TSGA13: variants seen among roughly 807,000 people sequenced by gnomAD.
TSGA13 encodes the protein testis-specific gene 13 protein.
A neutral mutation model predicts 35.1 loss-of-function variants in TSGA13; 37 were observed. The ratio of observed to expected loss-of-function variants is 1.05; its 90% CI spans 0.81 to 1.39. The LOEUF (loss-of-function observed/expected upper bound fraction) is 1.39, where lower values mean the gene tolerates loss of function less well. TSGA13 is among the 40% of genes most tolerant of loss of function. The pLI is 0.00. For missense variants in TSGA13, 338 were observed against 328.5 expected (o/e 1.03, Z -0.22); for synonymous variants, 124 against 121.2 (o/e 1.02, Z -0.15).
chr7:130,676,546 A>G (rs1464472986), intron 5 of TSGA13, among the ~76,000 whole-genome samples: 1 of 152,252 alleles, frequency 6.6e-6, no homozygotes, highest in African/African-American at 2.4e-5. Flanking sequence ...ACCCACTGCC[A>G]TGAGAAACTA....
At chr7:130,679,473 G>T in intron 4 of TSGA13, 106 bp from the exon 5 acceptor site, 1 of 987,542 alleles carries the variant, frequency 1.0e-6, no homozygotes, top group Non-Finnish European at 1.5e-6. Context: ...AACAGAAGCT[G>T]GACAGACTTG....
At chr7:130,677,083 G>A (rs1282817759) in intron 5 of TSGA13, among the ~76,000 whole-genome samples, 7 of 152,084 alleles carry the variant, frequency 4.6e-5, no homozygotes, top group Non-Finnish European at 7.4e-5. Flanking sequence ...TAGTAGAGAC[G>A]GGGTTTCACT....
At chr7:130,683,541 C>G in intron 3 of TSGA13, 53 bp downstream of exon 3, 1 of 1,531,012 alleles carries the variant, frequency 6.5e-7, no homozygotes, top group Admixed American at 1.8e-5. Context: ...ATTAAGTACA[C>G]TAAGCAGCTC....
At chr7:130,676,481 G>A (rs976135997) in intron 5 of TSGA13, among the ~76,000 whole-genome samples, 5 of 152,184 alleles carry the variant, frequency 3.3e-5, no homozygotes, top group African/African-American at 9.7e-5. Flanking sequence ...TTCCTTCTGC[G>A]CATTAAGCAG....
At chr7:130,670,276 A>G (rs968898066) in intron 7 of TSGA13, among the ~76,000 whole-genome samples, 2 of 152,160 alleles carry the variant, frequency 1.3e-5, no homozygotes, top group African/African-American at 2.4e-5. Context: ...CAGTTAAGGG[A>G]TGGTATAATA....
rs531806155 is a variant in TSGA13, at chr7:130,675,679, G to A, written c.388-2803C>T. 9.8e-5 allele frequency among the ~76,000 whole-genome samples: 15 copies of A among 152,292 alleles called. No individual in the cohort carries two copies. In the South Asian group the frequency reaches 2.9e-3, roughly 29 times the overall value. ...CTTACAGGCGTGAGCCACTGCGCCA[G>A]GCCGGTTTGAGTCTTCTAGCCTTAC... On this transcript the variant is annotated intron_variant, in intron 5 of 7. Coordinates refer to ENST00000356588, the MANE Select transcript of TSGA13 (RefSeq NM_052933.4).
chr7:130,680,010 A>G (rs1554464824), intron 4 of TSGA13, among the ~76,000 whole-genome samples: 1 of 152,190 alleles, frequency 6.6e-6, no homozygotes, highest in East Asian at 1.9e-4. Flanking sequence ...GGCTAAACCT[A>G]ATTGGCCTTG....
chr7:130,679,053 GT>G, intron 5 of TSGA13, 101 bp downstream of exon 5: 1 of 993,892 alleles, frequency 1.0e-6, no homozygotes, highest in Non-Finnish European at 1.5e-6. Context: ...AAATTAAGAG[GT>G]TTTCTGAGTA....
In TSGA13 at chr7:130,668,690, C is replaced by T; in HGVS notation, c.*324G>A. 1.3e-6 allele frequency: 2 copies of T among 1,527,186 alleles called. No individual in the cohort carries two copies. Among genetic ancestry groups the T allele is most frequent in the South Asian group, 1.2e-5 (1 of 80,988 alleles). 94.6% of individuals were successfully genotyped at this position (1,527,186 alleles called of 1,614,324 possible). A position where few individuals can be genotyped will look rare whatever the true frequency, so the allele number is the denominator to read the frequency against. ...TCATCTTGGACGACTTCCCAGCGCC[C>T]AGACCCACCGCAACCGTCCCAGGCG... On this transcript the variant is annotated 3_prime_UTR_variant, in exon 8 of 8. Coordinates refer to ENST00000356588, the MANE Select transcript of TSGA13 (RefSeq NM_052933.4).
chr7:130,681,662 T>C (rs1248940577), intron 3 of TSGA13, among the ~76,000 whole-genome samples: 1 of 151,914 alleles, frequency 6.6e-6, no homozygotes, highest in African/African-American at 2.4e-5. Context: ...TTTATTTTTA[T>C]TTTTTTTGCT....
intron 4 of TSGA13, among the ~76,000 whole-genome samples, chr7:130,679,854 G>A (rs569186769): frequency 1.3e-5 from 2 of 152,290 alleles, no homozygotes; most frequent in South Asian, 2.1e-4. Flanking sequence ...ACTGTCTGAA[G>A]CTCTCAGTCC....
At chr7:130,680,412 A>G (rs782314125) in intron 4 of TSGA13, among the ~76,000 whole-genome samples, 1 of 151,864 alleles carries the variant, frequency 6.6e-6, no homozygotes, top group Admixed American at 6.6e-5. Flanking sequence ...AGGCTGAGGC[A>G]GGAGAATAGC....
intron 5 of TSGA13, among the ~76,000 whole-genome samples, chr7:130,676,333 C>T (rs1217261647): frequency 6.6e-6 from 1 of 152,158 alleles, no homozygotes; most frequent in African/African-American, 2.4e-5. Context: ...TAACTTTATC[C>T]ATTAGTACAA....
Position 130,672,770 on chromosome 7 carries a change from G to A in TSGA13, c.494C>T (p.Ser165Leu), listed in dbSNP as rs199718973. The A allele has an allele frequency of 5.9e-5, 95 of 1,614,020 alleles. No individual in the cohort carries two copies. The highest frequency in any genetic ancestry group is 6.6e-5 in the South Asian group (6 of 91,050). Residue 165 changes from serine to leucine, a missense_variant, in exon 6 of 8, where the codon TCG becomes TTG. By Grantham distance (145) the Ser-to-Leu change is moderately radical. Coordinates refer to ENST00000356588, the MANE Select transcript of TSGA13 (RefSeq NM_052933.4). ...TTCTCGCTTGGATGTGGGATCATCC[G>A]ACAGTATCAAAGGGAAGATTGGTTT... ...KLKPIFPLILSDDPTSKREQW... is the reference protein window; with the variant it reads ...KLKPIFPLILLDDPTSKREQW...
chr7:130,671,833 G>A (rs372057994), intron 6 of TSGA13, 45 bp from the exon 7 acceptor site: 1 of 1,405,550 alleles, frequency 7.1e-7, no homozygotes, highest in East Asian at 2.7e-5. Flanking sequence ...AGGGCAGGGG[G>A]ATTCATGGAA....
chr7:130,675,554 T>C (rs946731722), intron 5 of TSGA13, among the ~76,000 whole-genome samples: 12 of 152,178 alleles, frequency 7.9e-5, no homozygotes, highest in African/African-American at 2.9e-4. Flanking sequence ...TGGCTAATTT[T>C]TTGTATTTTT....
intron 4 of TSGA13, 110 bp from the exon 5 acceptor site, chr7:130,679,477 A>G: frequency 1.1e-6 from 1 of 940,306 alleles, no homozygotes; most frequent in Non-Finnish European, 1.6e-6. Context: ...GAAGCTGGAC[A>G]GACTTGCTGC....
intron 2 of TSGA13, 142 bp from the exon 3 acceptor site, chr7:130,683,814 T>C: frequency 1.6e-6 from 1 of 641,356 alleles, no homozygotes; most frequent in Non-Finnish European, 2.7e-6. Context: ...ATTGACTAAG[T>C]AGCAAAAAAA....
intron 6 of TSGA13, among the ~76,000 whole-genome samples, chr7:130,672,373 T>G (rs1029808557): frequency 6.6e-6 from 1 of 152,224 alleles, no homozygotes; most frequent in African/African-American, 2.4e-5. Context: ...TAGGCTGCTC[T>G]TGTAAGTAGT....
Sources: allele counts gnomAD v4.1 joint callset (sites outside exome capture counted in the v4.1 genomes callset), GRCh38; gene constraint gnomAD v4.1.1; transcripts MANE v1.5; gene names NCBI Gene and HGNC (gene_info 2026-07-23, HGNC 2026-07-21).